CHST9: variants seen among roughly 807,000 people sequenced by gnomAD.
CHST9 encodes GalNAc-4-sulfotransferase 2.
A neutral mutation model predicts 44.4 loss-of-function variants in CHST9; 41 were observed. The observed-to-expected ratio is 0.92, with a 90% confidence interval of 0.72 to 1.20. The LOEUF (loss-of-function observed/expected upper bound fraction) is 1.20. Ranked by LOEUF, CHST9 falls within the 50% of genes most tolerant of loss-of-function variation. The pLI is 0.00. For missense variants in CHST9, 504 were observed against 516.5 expected (o/e 0.98, Z 0.23); for synonymous variants, 171 against 178.4 (o/e 0.96, Z 0.33).
At chr18:26,929,971 G>A (rs189929247) in intron 5 of CHST9, among the ~76,000 whole-genome samples, 192 of 152,308 alleles carry the variant, frequency 1.3e-3, no homozygotes, top group African/African-American at 4.2e-3. Context: ...GCATTGCCAT[G>A]TGCGAGAGTA....
At chr18:27,148,657 A>T (rs545148279) in intron 1 of CHST9, among the ~76,000 whole-genome samples, 19 of 150,290 alleles carry the variant, frequency 1.3e-4, no homozygotes, top group Admixed American at 8.0e-4. Context: ...CAGTCTATCA[A>T]TGTTGGACAT....
chr18:27,061,229 C>A (rs1226218111), intron 2 of CHST9, among the ~76,000 whole-genome samples: 1 of 152,208 alleles, frequency 6.6e-6, no homozygotes, highest in Non-Finnish European at 1.5e-5. Context: ...ACCACGGGAC[C>A]ACCCTGCATC....
intron 2 of CHST9, among the ~76,000 whole-genome samples, chr18:27,128,868 C>T (rs2143829845): frequency 6.6e-6 from 1 of 152,310 alleles, no homozygotes; most frequent in Non-Finnish European, 1.5e-5. Context: ...AGATCTGATA[C>T]ATTGTGAATC....
chr18:27,051,824 T>C (rs2057570712), intron 2 of CHST9, among the ~76,000 whole-genome samples: 1 of 152,190 alleles, frequency 6.6e-6, no homozygotes, highest in Admixed American at 6.6e-5. Context: ...GTTTCAAAAG[T>C]CTGTAATAAT....
chr18:27,103,735 A>G (rs2058195568), intron 2 of CHST9, among the ~76,000 whole-genome samples: 1 of 152,192 alleles, frequency 6.6e-6, no homozygotes, highest in Non-Finnish European at 1.5e-5. Flanking sequence ...TGTGGCATAG[A>G]TCTCTTTAAA....
intron 3 of CHST9, among the ~76,000 whole-genome samples, chr18:27,026,373 G>A (rs2057285255): frequency 6.6e-6 from 1 of 152,074 alleles, no homozygotes; most frequent in South Asian, 2.1e-4. Context: ...TCTGAACCTA[G>A]TTTAGTCTTA....
chr18:26,930,390 G>T (rs1389779337), intron 5 of CHST9, among the ~76,000 whole-genome samples: 1 of 152,198 alleles, frequency 6.6e-6, no homozygotes, highest in African/African-American at 2.4e-5. Flanking sequence ...AGTCAAGTGG[G>T]TTGTCATATG....
intron 4 of CHST9, among the ~76,000 whole-genome samples, chr18:27,015,366 C>T (rs2057140609): frequency 7.6e-6 from 1 of 131,186 alleles, no homozygotes; most frequent in African/African-American, 3.5e-5. Context: ...TGTGCAGGCA[C>T]TACGCATCCT....
At chr18:27,077,231 T>C (rs1598704063) in intron 2 of CHST9, among the ~76,000 whole-genome samples, 1 of 152,332 alleles carries the variant, frequency 6.6e-6, no homozygotes, top group Non-Finnish European at 1.5e-5. Flanking sequence ...AAGAAAACAA[T>C]TATAATTTTA....
rs182821978 is a variant in CHST9, at chr18:26,992,492, T to C, written c.202+31624A>G. On this transcript the variant is annotated intron_variant, in intron 4 of 5. Transcript: ENST00000618847. The stretch of plus-strand genomic sequence containing the variant: ...ATACAGACTAGTTTTACTTAGTTGG[T>C]TGGTTGACAGATTAGAGTGTGAAAA... 3.9e-5 allele frequency among the ~76,000 whole-genome samples: 6 copies of C among 152,274 alleles called. No individual in the cohort carries two copies. The East Asian group carries it at 7.7e-4, about 20-fold the overall frequency.
intron 2 of CHST9, among the ~76,000 whole-genome samples, chr18:27,116,119 AAC>A (rs1181771180): frequency 6.6e-6 from 1 of 152,060 alleles, no homozygotes; most frequent in Non-Finnish European, 1.5e-5. Context: ...TGACCTTTGA[AAC>A]ACAAAGTTTT....
chr18:27,164,322 G>GAC (rs1555629762), intron 1 of CHST9, among the ~76,000 whole-genome samples: 6 of 121,618 alleles, frequency 4.9e-5, no homozygotes, highest in Non-Finnish European at 1.0e-4. Context: ...AAATCAGAAA[G>GAC]AAAAAAAAAA....
chr18:27,142,542 T>A, intron 2 of CHST9, 147 bp downstream of exon 2: 1 of 564,608 alleles, frequency 1.8e-6, no homozygotes, highest in Non-Finnish European at 2.7e-6. Context: ...TCCTTCCTTT[T>A]AGGAGCTGGG....
intron 3 of CHST9, among the ~76,000 whole-genome samples, chr18:27,025,509 A>G (rs563392768): frequency 6.6e-5 from 10 of 152,274 alleles, no homozygotes; most frequent in East Asian, 5.8e-4. Flanking sequence ...ACTTGCATCA[A>G]TGATATGCTA....
intron 2 of CHST9, among the ~76,000 whole-genome samples, chr18:27,113,132 T>C (rs1322307790): frequency 6.7e-6 from 1 of 149,230 alleles, no homozygotes; most frequent in African/African-American, 2.5e-5. Context: ...GAACTTGCAG[T>C]AAGCGGAGAT....
Position 26,917,125 on chromosome 18 carries a change from G to C in CHST9, c.466C>G (p.His156Asp), listed in dbSNP as rs773204403. The C allele has an allele frequency of 6.2e-7, 1 of 1,613,930 alleles. No homozygotes were observed. Among genetic ancestry groups the C allele is most frequent in the Admixed American group, 1.7e-5 (1 of 60,002 alleles). ...FSNMNWPVDI[H>D]PLNKSLVKDN... ...TTGACTAAACTTTTGTTTAAAGGGT[G>C]AATGTCCACTGGCCAATTCATGTTG... Residue 156 changes from histidine to aspartate, a missense_variant, in exon 6 of 6, where the codon CAC becomes GAC. By Grantham distance (81) the His-to-Asp change is moderately conservative (BLOSUM62 -1). Transcript: ENST00000618847.
intron 4 of CHST9, among the ~76,000 whole-genome samples, chr18:26,992,714 T>C (rs1419692396): frequency 1.3e-5 from 2 of 152,142 alleles, no homozygotes; most frequent in Admixed American, 6.6e-5. Flanking sequence ...TTTCACATGA[T>C]GCGTTAACAC....
chr18:27,136,790 C>T (rs1171910890), intron 2 of CHST9, among the ~76,000 whole-genome samples: 1 of 151,972 alleles, frequency 6.6e-6, no homozygotes, highest in Non-Finnish European at 1.5e-5. Context: ...AAATAAATAG[C>T]TAAAAAAGTA....
chr18:26,936,108 T>TA (rs1213595919), intron 5 of CHST9: 1 of 152,180 alleles, frequency 6.6e-6, no homozygotes, highest in Non-Finnish European at 1.5e-5. Context: ...AGTCCGTAGA[T>TA]AGATATCTGA....
Sources: allele counts gnomAD v4.1 joint callset (sites outside exome capture counted in the v4.1 genomes callset), GRCh38; gene constraint gnomAD v4.1.1; transcripts MANE v1.5; gene names NCBI Gene and HGNC (gene_info 2026-07-23, HGNC 2026-07-21).